The following FER variants were observed in gnomAD, a reference collection of about 807,000 sequenced individuals.
The protein encoded by FER is tyrosine-protein kinase Fer.
A neutral mutation model predicts 111.0 loss-of-function variants in FER; 63 were observed. That is an observed-to-expected ratio of 0.57 (90% CI 0.46 to 0.70). The LOEUF is 0.70. Ranked by LOEUF, FER falls within the 30% of genes least tolerant of loss-of-function variation. The pLI is 0.00. For missense variants in FER, 914 were observed against 954.0 expected, an observed-to-expected ratio of 0.96 and a Z score of 0.55; for synonymous variants, 327 against 313.9, an observed-to-expected ratio of 1.04 and a Z score of -0.44.
intron 3 of FER, among the ~76,000 whole-genome samples, chr5:108,803,838 A>C (rs1756927098): frequency 6.6e-6 from 1 of 152,074 alleles, no homozygotes; most frequent in Non-Finnish European, 1.5e-5. Flanking sequence ...GTTGCATATG[A>C]ATTTTATTAT....
chr5:109,077,655 G>GCAAT (rs1479669555), intron 16 of FER, among the ~76,000 whole-genome samples: 2 of 152,122 alleles, frequency 1.3e-5, no homozygotes. Flanking sequence ...ATCCATCAGG[G>GCAAT]CAATATTCCT....
At chr5:109,055,851 C>CAAAA (rs373320956) in intron 16 of FER, among the ~76,000 whole-genome samples, 52 of 92,488 alleles carry the variant, frequency 5.6e-4, no homozygotes, top group Non-Finnish European at 7.1e-4. Flanking sequence ...AACATTGTCT[C>CAAAA]AAAAAAAAAA....
chr5:108,790,223 T>C (rs1161582194), intron 2 of FER, among the ~76,000 whole-genome samples: 2 of 123,210 alleles, frequency 1.6e-5, no homozygotes, highest in African/African-American at 6.3e-5. Context: ...TGTATACATA[T>C]ATGCATACAC....
chr5:109,007,428 A>G (rs148795070), intron 13 of FER, among the ~76,000 whole-genome samples: 1,794 of 150,504 alleles, frequency 0.012, 17 homozygotes, highest in Non-Finnish European at 0.02. Context: ...TTATAGAACA[A>G]TTGCATCAGC....
At chr5:108,945,488 G>A (rs1037570179) in intron 10 of FER, among the ~76,000 whole-genome samples, 2 of 151,864 alleles carry the variant, frequency 1.3e-5, no homozygotes, top group Non-Finnish European at 2.9e-5. Flanking sequence ...TACACATTGT[G>A]TGGCAAATAG....
At chr5:109,154,791 C>T (rs1412359776) in intron 17 of FER, among the ~76,000 whole-genome samples, 1 of 151,766 alleles carries the variant, frequency 6.6e-6, no homozygotes, top group African/African-American at 2.4e-5. Flanking sequence ...GAATAGGGAC[C>T]TTCAAAACTG....
intron 17 of FER, among the ~76,000 whole-genome samples, chr5:109,150,820 G>A (rs758341493): frequency 3.9e-5 from 6 of 152,098 alleles, no homozygotes; most frequent in Admixed American, 6.5e-5. Flanking sequence ...TCATTTATTC[G>A]TGACATTCTA....
chr5:109,075,493 G>C (rs184306783), intron 16 of FER, among the ~76,000 whole-genome samples: 1 of 145,714 alleles, frequency 6.9e-6, no homozygotes, highest in Non-Finnish European at 1.5e-5. Context: ...GCGCAATCTC[G>C]ACTCACTGCA....
chr5:108,815,494 G>A (rs1483523947), intron 3 of FER, among the ~76,000 whole-genome samples: 1 of 152,002 alleles, frequency 6.6e-6, no homozygotes, highest in African/African-American at 2.4e-5. Flanking sequence ...TCTCTAAAAA[G>A]AGTTAAATTA....
intron 16 of FER, among the ~76,000 whole-genome samples, chr5:109,097,890 T>G (rs1425435175): frequency 1.3e-5 from 2 of 151,820 alleles, no homozygotes; most frequent in Non-Finnish European, 2.9e-5. Flanking sequence ...TCCCTCTAGT[T>G]TTCTACAAAA....
At chr5:108,833,166 CTA>C (rs1554074238) in intron 4 of FER, among the ~76,000 whole-genome samples, 5 of 152,118 alleles carry the variant, frequency 3.3e-5, no homozygotes, top group Non-Finnish European at 2.9e-5. Flanking sequence ...CCCAATTAAA[CTA>C]TGACACAAAG....
chr5:108,828,699 G>C (rs867420963), intron 3 of FER, among the ~76,000 whole-genome samples: 18 of 152,122 alleles, frequency 1.2e-4, no homozygotes, highest in African/African-American at 4.1e-4. Context: ...ACTTCCTACT[G>C]GTAAAATTCA....
At chr5:109,045,594 C>G (rs1581780018) in intron 15 of FER, among the ~76,000 whole-genome samples, 2 of 152,186 alleles carry the variant, frequency 1.3e-5, no homozygotes, top group South Asian at 2.1e-4. Flanking sequence ...GCTCACTGCC[C>G]AATGTGCTAG....
chr5:109,182,973 C>A (rs1758437202), intron 18 of FER, among the ~76,000 whole-genome samples: 1 of 152,160 alleles, frequency 6.6e-6, no homozygotes, highest in Non-Finnish European at 1.5e-5. Context: ...TCCAGAGTAG[C>A]TGGGACTGCA....
intron 17 of FER, among the ~76,000 whole-genome samples, chr5:109,142,410 G>A (rs1336410334): frequency 6.6e-6 from 1 of 152,108 alleles, no homozygotes; most frequent in Non-Finnish European, 1.5e-5. Context: ...CTGAACAGGT[G>A]TAGGAAATAT....
At chr5:108,926,478 T>C (rs1753758930) in intron 10 of FER, among the ~76,000 whole-genome samples, 1 of 152,164 alleles carries the variant, frequency 6.6e-6, no homozygotes, top group African/African-American at 2.4e-5. Context: ...TCACCCACCA[T>C]CCTTAGGAAG....
At chr5:108,777,653 C>A (rs1423527745) in intron 2 of FER, among the ~76,000 whole-genome samples, 3 of 152,166 alleles carry the variant, frequency 2.0e-5, no homozygotes. Context: ...CATTTTCACA[C>A]TGCTGATAAA....
intron 13 of FER, among the ~76,000 whole-genome samples, chr5:108,968,518 T>C (rs1760199998): frequency 6.6e-6 from 1 of 152,194 alleles, no homozygotes; most frequent in Admixed American, 6.5e-5. Context: ...GATATGTTAA[T>C]TAATATAGCC....
chr5:109,075,633 C>T (rs1776248593), intron 16 of FER, among the ~76,000 whole-genome samples: 1 of 151,960 alleles, frequency 6.6e-6, no homozygotes, highest in African/African-American at 2.4e-5. Context: ...CCGTGTTAGC[C>T]AGGATGGTCT....
Sources: allele counts gnomAD v4.1 joint callset (sites outside exome capture counted in the v4.1 genomes callset), GRCh38; gene constraint gnomAD v4.1.1; transcripts MANE v1.5; gene names NCBI Gene and HGNC (gene_info 2026-07-23, HGNC 2026-07-21).